The following COL5A2 variants were observed in gnomAD, a reference collection of about 807,000 sequenced individuals.
The protein encoded by COL5A2 is collagen alpha-2(V) chain.
A neutral mutation model predicts 208.2 loss-of-function variants in COL5A2; 23 were observed. The ratio of observed to expected loss-of-function variants is 0.11; its 90% CI spans 0.08 to 0.16. The LOEUF (loss-of-function observed/expected upper bound fraction) is 0.16. Among genes scored for constraint, COL5A2 ranks in the 10% least tolerant of loss-of-function variants. COL5A2 has a pLI of 1.00. For synonymous variants in COL5A2, 625 were observed against 628.5 expected (o/e 0.99, Z 0.08); for missense variants, 1,590 against 1,956.4 (o/e 0.81, Z 3.53).
the COL5A2 span, among the ~76,000 whole-genome samples, chr2:189,319,029 T>C: frequency 3.9e-5 from 6 of 152,056 alleles, no homozygotes; most frequent in East Asian, 1.2e-3. Context: ...AGGCTCAACA[T>C]AACAGCTGCC....
At chr2:189,349,926 CA>C in the COL5A2 span, among the ~76,000 whole-genome samples, 1 of 151,876 alleles carries the variant, frequency 6.6e-6, no homozygotes, top group East Asian at 1.9e-4. Flanking sequence ...TTAAGAAAAC[CA>C]GATGCAAGAA....
chr2:189,088,802 T>C, intron 7 of COL5A2, 30 bp from the exon 8 acceptor site: 2 of 1,572,846 alleles, frequency 1.3e-6, no homozygotes, highest in African/African-American at 1.3e-5. Context: ...ACATTATTTC[T>C]ACAGTAAAAG....
chr2:189,075,501 T>C, intron 16 of COL5A2, 64 bp from the exon 17 acceptor site: 1 of 1,353,588 alleles, frequency 7.4e-7, no homozygotes, highest in Non-Finnish European at 1.0e-6. Context: ...TTTCTCTTAT[T>C]TGCCTTATAA....
At chr2:189,155,360 G>T (rs565798780) in intron 1 of COL5A2, among the ~76,000 whole-genome samples, 1 of 408 alleles carries the variant, frequency 2.5e-3, no homozygotes, top group South Asian at 0.5. Context: ...TCTACATTTT[G>T]CTCCTTTGGG....
intron 33 of COL5A2, among the ~76,000 whole-genome samples, chr2:189,058,219 C>T (rs923267727): frequency 6.6e-6 from 1 of 152,182 alleles, no homozygotes; most frequent in Admixed American, 6.5e-5. Flanking sequence ...AAACTACAAT[C>T]CCCATCAAAG....
At chr2:189,379,615 T>C in the COL5A2 span, among the ~76,000 whole-genome samples, 5 of 152,226 alleles carry the variant, frequency 3.3e-5, no homozygotes, top group Non-Finnish European at 7.3e-5. Context: ...CTTTACACTT[T>C]GTGTACATTA....
At chr2:189,041,014 A>G (rs1685549219) in intron 50 of COL5A2, among the ~76,000 whole-genome samples, 2 of 152,148 alleles carry the variant, frequency 1.3e-5, no homozygotes, top group South Asian at 4.1e-4. Context: ...GCATAAGCTC[A>G]TATACAAACA....
the COL5A2 span, among the ~76,000 whole-genome samples, chr2:189,414,077 C>T: frequency 2.6e-5 from 4 of 152,106 alleles, no homozygotes; most frequent in African/African-American, 9.7e-5. Context: ...CGGGCGTGAG[C>T]CACTGTGCCC....
At chr2:189,195,643 A>G (rs1441087762) in intron 1 of COL5A2, among the ~76,000 whole-genome samples, 1 of 152,056 alleles carries the variant, frequency 6.6e-6, no homozygotes, top group Non-Finnish European at 1.5e-5. Flanking sequence ...CAGAACAGAG[A>G]CCTCAGAAAT....
At chr2:189,185,799 A>G (rs551777179) in intron 1 of COL5A2, among the ~76,000 whole-genome samples, 155 of 152,330 alleles carry the variant, frequency 1.0e-3, no homozygotes, top group Non-Finnish European at 1.7e-3. Context: ...ATAAGGAATC[A>G]ATAGAAAATG....
chr2:189,041,924 A>C (rs1403029522), intron 49 of COL5A2, among the ~76,000 whole-genome samples: 1 of 152,240 alleles, frequency 6.6e-6, no homozygotes, highest in Non-Finnish European at 1.5e-5. Flanking sequence ...TTACATCTTT[A>C]ATGGACTAAT....
chr2:189,227,270 C>A (rs948802150), upstream of COL5A2, among the ~76,000 whole-genome samples: 3 of 151,948 alleles, frequency 2.0e-5, no homozygotes, highest in African/African-American at 4.8e-5. Context: ...TTATGAATTA[C>A]CTAAAATATA....
chr2:189,315,518 A>G, the COL5A2 span, among the ~76,000 whole-genome samples: 2 of 152,184 alleles, frequency 1.3e-5, no homozygotes, highest in Non-Finnish European at 2.9e-5. Flanking sequence ...CTTGAAAATC[A>G]GCACAAGACA....
At chr2:189,331,204 T>G in the COL5A2 span, among the ~76,000 whole-genome samples, 2 of 152,008 alleles carry the variant, frequency 1.3e-5, no homozygotes, top group Non-Finnish European at 2.9e-5. Flanking sequence ...AGATTGAATG[T>G]GGGAAGGAAA....
At chr2:189,393,187 C>T in the COL5A2 span, among the ~76,000 whole-genome samples, 1 of 151,858 alleles carries the variant, frequency 6.6e-6, no homozygotes, top group Non-Finnish European at 1.5e-5. Flanking sequence ...ATCCTTTTTA[C>T]AGAAAAACAC....
intron 1 of COL5A2, among the ~76,000 whole-genome samples, chr2:189,115,581 T>C (rs1027013410): frequency 6.6e-6 from 1 of 152,162 alleles, no homozygotes; most frequent in Admixed American, 6.5e-5. Flanking sequence ...TAAAGTTCTT[T>C]CAAGCAGAAA....
the COL5A2 span, among the ~76,000 whole-genome samples, chr2:189,352,708 A>G: frequency 6.6e-6 from 1 of 152,130 alleles, no homozygotes; most frequent in Non-Finnish European, 1.5e-5. Context: ...AGATGGATAG[A>G]TTGAGAAAAT....
chr2:189,049,075 C>T (rs1685728949), intron 44 of COL5A2, among the ~76,000 whole-genome samples: 1 of 152,038 alleles, frequency 6.6e-6, no homozygotes, highest in Non-Finnish European at 1.5e-5. Context: ...TGTCCTTTCA[C>T]CCTCAAAACA....
the COL5A2 span, among the ~76,000 whole-genome samples, chr2:189,269,724 T>C: frequency 6.6e-6 from 1 of 152,162 alleles, no homozygotes; most frequent in Non-Finnish European, 1.5e-5. Flanking sequence ...TCTGCCAGGT[T>C]TTAATATAAG....
Sources: allele counts gnomAD v4.1 joint callset (sites outside exome capture counted in the v4.1 genomes callset), GRCh38; gene constraint gnomAD v4.1.1; transcripts MANE v1.5; gene names NCBI Gene and HGNC (gene_info 2026-07-23, HGNC 2026-07-21).